HMSD: variants seen among roughly 807,000 people sequenced by gnomAD.
HMSD encodes histocompatibility minor serpin domain containing.
A neutral mutation model predicts 10.0 loss-of-function variants in HMSD; 13 were observed. That is an observed-to-expected ratio of 1.31 (90% CI 0.85 to 2.08). HMSD has a LOEUF of 2.08. Among genes scored for constraint, HMSD ranks in the 30% most tolerant of loss-of-function variants. HMSD has a pLI of 0.00. For synonymous variants in HMSD, 51 were observed against 54.2 expected, an observed-to-expected ratio of 0.94 and a Z score of 0.26; for missense variants, 169 against 166.3, an observed-to-expected ratio of 1.02 and a Z score of -0.09.
chr18:63,953,529 T>C lies in HMSD; in HGVS notation c.72+2T>C. 1.2e-6 allele frequency: 2 copies of C among 1,612,302 alleles called. No individual in the cohort carries two copies. Among genetic ancestry groups the C allele is most frequent in the Non-Finnish European group, 1.7e-6 (2 of 1,178,434 alleles). ...AACACTGCAGCTCAGATGTCTCAGG[T>C]ACGTAAAGCCACTTCAAGACAACAA... On this transcript the variant is annotated splice_donor_variant, in intron 2 of 3. Transcript: ENST00000408945. LOFTEE classifies it high-confidence loss of function.
chr18:63,954,479 A>G lies in HMSD; in HGVS notation c.144A>G (p.Ala48=). Residue 48 remains alanine (A), a synonymous_variant, in exon 3 of 4, where the codon GCA becomes GCG. Transcript: ENST00000408945. The stretch of plus-strand genomic sequence containing the variant: ...GAGGTTTTCAGTCACTTCTTGTTGC[A>G]ATTAACAGAACTGACACTGAATATG... ...IHRGFQSLLV[A]INRTDTEYVL... The G allele has an allele frequency of 1.2e-6, 2 of 1,613,570 alleles. No homozygotes were observed. Among genetic ancestry groups the G allele is most frequent in the Middle Eastern group, 1.7e-4 (1 of 6,060 alleles).
At chr18:63,967,203 T>A (rs1209687706) in intron 3 of HMSD, among the ~76,000 whole-genome samples, 1 of 152,180 alleles carries the variant, frequency 6.6e-6, no homozygotes, top group African/African-American at 2.4e-5. Context: ...AGTGGCACAA[T>A]CTCAACTCAC....
chr18:63,957,271 C>T (rs953800827), intron 3 of HMSD, among the ~76,000 whole-genome samples: 1 of 148,924 alleles, frequency 6.7e-6, no homozygotes, highest in African/African-American at 2.5e-5. Flanking sequence ...ACAACATATG[C>T]GATAGGGAAG....
In HMSD at chr18:63,952,285, T is replaced by TAAA. The variant is rs148172930; in HGVS notation, c.-102-1067_-102-1066insAAA. Among the ~76,000 whole-genome samples, 303 of 148,344 alleles carry TAAA rather than the reference T, an allele frequency of 2.0e-3. 1 individual carries two copies. The highest frequency in any genetic ancestry group is 7.1e-3 in the African/African-American group (283 of 39,604). The stretch of plus-strand genomic sequence containing the variant: ...ATGTACCCTAAAACTTAAAGTATAA[T>TAAA]AATAAAAAAAAAAGATCTCGCCTAG... On this transcript the variant is annotated intron_variant, in intron 1 of 3. Coordinates refer to ENST00000408945, the MANE Select transcript of HMSD (RefSeq NM_001123366.2).
downstream of HMSD, among the ~76,000 whole-genome samples, chr18:63,962,244 G>A (rs1166515316): frequency 1.3e-5 from 2 of 152,212 alleles, no homozygotes; most frequent in Non-Finnish European, 1.5e-5. Flanking sequence ...GAGGTAGAAT[G>A]TGGATCCAAT....
intron 2 of HMSD, among the ~76,000 whole-genome samples, 167 bp from the exon 3 acceptor site, chr18:63,954,241 G>A (rs1185238811): frequency 6.6e-6 from 1 of 152,158 alleles, no homozygotes; most frequent in Non-Finnish European, 1.5e-5. Context: ...GCATAGGTAG[G>A]CAGACAGGGT....
intron 1 of HMSD, among the ~76,000 whole-genome samples, chr18:63,949,923 T>G (rs1038301944): frequency 3.3e-5 from 5 of 152,104 alleles, no homozygotes; most frequent in Admixed American, 2.0e-4. Context: ...GTTTTTGGAC[T>G]GGAAAAAAAT....
chr18:63,962,649 A>G (rs542092495), downstream of HMSD, among the ~76,000 whole-genome samples: 7 of 152,292 alleles, frequency 4.6e-5, no homozygotes, highest in South Asian at 2.1e-4. Flanking sequence ...CTATGCTTCA[A>G]TAAGTGGGAA....
chr18:63,964,521 CAG>C (rs1568261771), downstream of HMSD, among the ~76,000 whole-genome samples: 2 of 152,170 alleles, frequency 1.3e-5, no homozygotes, highest in Non-Finnish European at 1.5e-5. Flanking sequence ...GCTTGGGCAA[CAG>C]AGTGAGACAC....
downstream of HMSD, among the ~76,000 whole-genome samples, chr18:63,966,008 C>G (rs55984499): frequency 0.045 from 6,879 of 152,270 alleles, 201 homozygotes; most frequent in Non-Finnish European, 0.058. Context: ...ACAACCCACT[C>G]TTGGAGGAAT....
chr18:63,950,093 A>G (rs1274313672), intron 1 of HMSD, among the ~76,000 whole-genome samples: 3 of 152,186 alleles, frequency 2.0e-5, no homozygotes, highest in African/African-American at 7.2e-5. Flanking sequence ...AACAAAGCCA[A>G]GAAAGAGTCC....
At chr18:63,956,893 A>G (rs932928423) in intron 3 of HMSD, among the ~76,000 whole-genome samples, 1 of 152,250 alleles carries the variant, frequency 6.6e-6, no homozygotes, top group Admixed American at 6.5e-5. Flanking sequence ...ATGCAGCCAT[A>G]AAACAGAATG....
chr18:63,963,197 T>C (rs79801417), downstream of HMSD, among the ~76,000 whole-genome samples: 2,631 of 138,658 alleles, frequency 0.019, 144 homozygotes, highest in African/African-American at 0.077. Context: ...CATTGCTTCC[T>C]TCCTTGCTTC....
intron 1 of HMSD, among the ~76,000 whole-genome samples, chr18:63,949,730 C>A (rs549096871): frequency 5.3e-5 from 8 of 152,262 alleles, no homozygotes; most frequent in African/African-American, 1.9e-4. Flanking sequence ...TACAATGAGG[C>A]CTCCCACCCT....
chr18:63,963,142 CTTCTCTCTCTCTTCTTTCT>C (rs1259350493), downstream of HMSD, among the ~76,000 whole-genome samples: 407 of 120,888 alleles, frequency 3.4e-3, 3 homozygotes, highest in Non-Finnish European at 5.0e-3. Flanking sequence ...TCCTTTCTTT[CTTCTCTCTCTCTTCTTTCT>C]TTCTCTCTCT....
chr18:63,953,321 A>T, intron 1 of HMSD, 33 bp from the exon 2 acceptor site: 1 of 636,302 alleles, frequency 1.6e-6, no homozygotes, highest in Non-Finnish European at 2.9e-6. Flanking sequence ...AGCCTATATT[A>T]ATGTAATATT....
At chr18:63,956,352 TA>T (rs751327484) in intron 3 of HMSD, among the ~76,000 whole-genome samples, 57 of 145,450 alleles carry the variant, frequency 3.9e-4, no homozygotes, top group Non-Finnish European at 7.0e-4. Flanking sequence ...CAGAATCTAT[TA>T]AAAAAAAAAC....
Position 63,969,025 on chromosome 18 carries a change from G to T in HMSD, n.312+8750G>T, listed in dbSNP as rs116152027. ...GGTTTGGGGTGCAGAGTGGGAATGT[G>T]CATCTTTAAAAGCAGAATTCCCAAA... is the stretch of plus-strand genomic sequence containing the variant. On this transcript the variant is annotated intron_variant and non_coding_transcript_variant, in intron 3 of 5. Transcript: ENST00000481726. Among the ~76,000 whole-genome samples, 1,167 of 152,298 alleles carry T rather than the reference G, an allele frequency of 7.7e-3. 22 individuals carry two copies. The highest frequency in any genetic ancestry group is 0.025 in the African/African-American group (1,051 of 41,558).
chr18:63,956,730 T>A (rs2050360483), intron 3 of HMSD, among the ~76,000 whole-genome samples: 1 of 152,116 alleles, frequency 6.6e-6, no homozygotes, highest in African/African-American at 2.4e-5. Flanking sequence ...CATTATTGAG[T>A]ACATACCTGA....
Sources: allele counts gnomAD v4.1 joint callset (sites outside exome capture counted in the v4.1 genomes callset), GRCh38; gene constraint gnomAD v4.1.1; transcripts MANE v1.5; gene names NCBI Gene and HGNC (gene_info 2026-07-23, HGNC 2026-07-21).